Variants in ZNF407 observed in about 807,000 individuals in gnomAD.
ZNF407 encodes the protein zinc finger protein 407.
A neutral mutation model predicts 131.2 loss-of-function variants in ZNF407; 17 were observed. That is an observed-to-expected ratio of 0.13 (90% CI 0.09 to 0.19). The LOEUF (loss-of-function observed/expected upper bound fraction) is 0.19. Among genes scored for constraint, ZNF407 ranks in the 10% least tolerant of loss-of-function variants. ZNF407 has a pLI of 1.00. For missense variants in ZNF407, 2,681 were observed against 2,830.6 expected (o/e 0.95, Z 1.20); for synonymous variants, 1,156 against 1,062.0 (o/e 1.09, Z -1.72).
intron 3 of ZNF407, among the ~76,000 whole-genome samples, chr18:74,711,526 C>T (rs1053105790): frequency 6.6e-6 from 1 of 152,076 alleles, no homozygotes; most frequent in African/African-American, 2.4e-5. Context: ...GACTGTCATC[C>T]CTTAGAGGTT....
intron 4 of ZNF407, among the ~76,000 whole-genome samples, chr18:74,806,887 A>G (rs1568224710): frequency 6.6e-6 from 1 of 152,254 alleles, no homozygotes; most frequent in Non-Finnish European, 1.5e-5. Flanking sequence ...CCTCACACCT[A>G]TGATTAATTT....
intron 4 of ZNF407, among the ~76,000 whole-genome samples, chr18:74,851,780 T>G (rs1970787237): frequency 6.6e-6 from 1 of 152,138 alleles, no homozygotes; most frequent in African/African-American, 2.4e-5. Flanking sequence ...TAGGACACAA[T>G]CAGCAAGAGT....
At chr18:74,820,843 T>C (rs1174770513) in intron 4 of ZNF407, among the ~76,000 whole-genome samples, 1 of 152,022 alleles carries the variant, frequency 6.6e-6, no homozygotes, top group Non-Finnish European at 1.5e-5. Flanking sequence ...GCCGTGAAAG[T>C]TGTGGGAAAG....
chr18:74,846,262 A>G (rs1433035650), intron 4 of ZNF407, among the ~76,000 whole-genome samples: 1 of 152,222 alleles, frequency 6.6e-6, no homozygotes, highest in African/African-American at 2.4e-5. Flanking sequence ...AGCTTAAAGT[A>G]GCATCAGTTC....
chr18:74,756,022 T>C (rs1016797880), intron 3 of ZNF407, among the ~76,000 whole-genome samples: 2 of 148,138 alleles, frequency 1.4e-5, no homozygotes, highest in Admixed American at 6.9e-5. Context: ...GCCTCCTTAG[T>C]AGCTGGGATT....
chr18:74,704,127 C>T (rs1375888490), intron 3 of ZNF407, among the ~76,000 whole-genome samples: 1 of 152,134 alleles, frequency 6.6e-6, no homozygotes, highest in Non-Finnish European at 1.5e-5. Context: ...AGGCACAGAC[C>T]CATAGCTTTC....
At chr18:74,980,772 T>C (rs1168270748) in intron 8 of ZNF407, among the ~76,000 whole-genome samples, 1 of 152,114 alleles carries the variant, frequency 6.6e-6, no homozygotes, top group Non-Finnish European at 1.5e-5. Context: ...TTTGAGACAT[T>C]TGCTGAGAAA....
chr18:74,875,624 A>C (rs1393579571), intron 4 of ZNF407, among the ~76,000 whole-genome samples: 1 of 152,184 alleles, frequency 6.6e-6, no homozygotes, highest in Admixed American at 6.5e-5. Context: ...TGTTAAATGC[A>C]TGAAGACCCG....
intron 1 of ZNF407, among the ~76,000 whole-genome samples, chr18:74,607,589 G>T (rs191390541): frequency 6.6e-6 from 1 of 152,224 alleles, no homozygotes; most frequent in Non-Finnish European, 1.5e-5. Flanking sequence ...ACGGGGCTGG[G>T]TTTGTGCTGT....
chr18:74,892,210 G>T (rs566460322), intron 7 of ZNF407, among the ~76,000 whole-genome samples: 2 of 152,086 alleles, frequency 1.3e-5, no homozygotes, highest in African/African-American at 2.4e-5. Flanking sequence ...CCAATTAGCC[G>T]CAGCATCCAG....
intron 4 of ZNF407, among the ~76,000 whole-genome samples, chr18:74,849,440 TA>T (rs1970750729): frequency 6.6e-6 from 1 of 152,116 alleles, no homozygotes; most frequent in Non-Finnish European, 1.5e-5. Flanking sequence ...ATGTTTACCT[TA>T]TAGAGGCATT....
intron 8 of ZNF407, among the ~76,000 whole-genome samples, chr18:74,929,875 G>A (rs551994510): frequency 2.6e-5 from 4 of 152,150 alleles, no homozygotes; most frequent in Non-Finnish European, 4.4e-5. Flanking sequence ...TTACTATTTC[G>A]CAAGTTTTTA....
intron 8 of ZNF407, chr18:75,061,960 T>C (rs1973639623): frequency 6.6e-6 from 1 of 152,300 alleles, no homozygotes; most frequent in African/African-American, 2.4e-5. Flanking sequence ...AGTCCTGTAG[T>C]TTTCCTGCTA....
At chr18:74,737,205 T>C (rs983904689) in intron 3 of ZNF407, among the ~76,000 whole-genome samples, 4 of 152,218 alleles carry the variant, frequency 2.6e-5, no homozygotes, top group Admixed American at 6.5e-5. Flanking sequence ...TTTGATTTAT[T>C]TGTTTTTAGA....
chr18:74,617,493 T>A (rs1983366947), intron 1 of ZNF407, among the ~76,000 whole-genome samples: 1 of 152,264 alleles, frequency 6.6e-6, no homozygotes, highest in South Asian at 2.1e-4. Flanking sequence ...TATACTTTTA[T>A]AAAGCCTTTC....
At chr18:74,641,642 A>G (rs973925262) in intron 3 of ZNF407, among the ~76,000 whole-genome samples, 4 of 152,138 alleles carry the variant, frequency 2.6e-5, no homozygotes, top group Non-Finnish European at 5.9e-5. Context: ...GTGTAACTTT[A>G]TTTCAAAACT....
intron 8 of ZNF407, among the ~76,000 whole-genome samples, chr18:75,030,354 A>T (rs997346825): frequency 6.6e-6 from 1 of 152,210 alleles, no homozygotes; most frequent in African/African-American, 2.4e-5. Flanking sequence ...ATCTCCATAA[A>T]TCACACTGTG....
chr18:74,823,094 C>T (rs2145105045), intron 4 of ZNF407, among the ~76,000 whole-genome samples: 1 of 152,042 alleles, frequency 6.6e-6, no homozygotes, highest in South Asian at 2.1e-4. Context: ...ATAGGAATTT[C>T]ATATCCAGCC....
At chr18:74,611,227 AG>A (rs1296227013) in intron 1 of ZNF407, among the ~76,000 whole-genome samples, 1 of 152,262 alleles carries the variant, frequency 6.6e-6, no homozygotes, top group Admixed American at 6.5e-5. Context: ...GGTATAGGAA[AG>A]GGGTCTTAAA....
Sources: gnomAD v4.1 joint callset for allele counts (sites outside exome capture counted in the v4.1 genomes callset) on GRCh38, gnomAD v4.1.1 for gene constraint, MANE v1.5 for transcripts, NCBI Gene and HGNC (gene_info 2026-07-23, HGNC 2026-07-21) for gene names.